Variants in CDC73 observed in about 807,000 individuals in gnomAD.
CDC73 encodes cell division cycle 73.
CDC73 carries 21 observed loss-of-function variants against 83.7 expected under a neutral mutation model. The observed-to-expected ratio is 0.25, with a 90% CI of 0.18 to 0.36. The LOEUF (loss-of-function observed/expected upper bound fraction) is 0.36. CDC73 is among the 10% of genes least tolerant of loss of function. The pLI is 1.00. For missense variants in CDC73, 342 were observed against 653.3 expected, an observed-to-expected ratio of 0.52 and a Z score of 5.19; for synonymous variants, 224 against 212.9, an observed-to-expected ratio of 1.05 and a Z score of -0.45.
chr1:193,193,780 A>AGTGTGT (rs71111459), intron 10 of CDC73, among the ~76,000 whole-genome samples: 2,372 of 135,868 alleles, frequency 0.017, 56 homozygotes, highest in African/African-American at 0.052. Flanking sequence ...TCTTACTTGT[A>AGTGTGT]GTGTGTGTGT....
intron 10 of CDC73, among the ~76,000 whole-genome samples, chr1:193,161,517 G>T (rs1676307956): frequency 7.2e-6 from 1 of 139,106 alleles, no homozygotes; most frequent in African/African-American, 2.7e-5. Context: ...TCAAATTAGA[G>T]TTTTATTTTG....
At chr1:193,148,450 T>C (rs548499251) in intron 8 of CDC73, among the ~76,000 whole-genome samples, 27 of 152,220 alleles carry the variant, frequency 1.8e-4, no homozygotes, top group African/African-American at 6.3e-4. Flanking sequence ...GAAGTGCCAC[T>C]TAAGACCCTC....
At chr1:193,196,603 T>G (rs1034016463) in intron 10 of CDC73, among the ~76,000 whole-genome samples, 2 of 152,196 alleles carry the variant, frequency 1.3e-5, no homozygotes, top group East Asian at 1.9e-4. Flanking sequence ...GTCTTTCCAT[T>G]TGTTTGTGTC....
chr1:193,191,978 A>G (rs1676926837), intron 10 of CDC73, among the ~76,000 whole-genome samples: 1 of 152,314 alleles, frequency 6.6e-6, no homozygotes, highest in Admixed American at 6.5e-5. Context: ...AAAATTATTA[A>G]CACTATTAAT....
Position 193,162,309 on chromosome 1 carries a change from ATT to A in CDC73, c.972+9866_972+9867del, listed in dbSNP as rs557495133. 5.2e-3 allele frequency among the ~76,000 whole-genome samples: 631 copies of A among 122,458 alleles called. 45 individuals are homozygous for A. Among genetic ancestry groups the A allele is most frequent in the African/African-American group, 0.023 (602 of 26,720 alleles). The allele number at this position is 122,458 out of a possible 152,430, so 80.3% of individuals were successfully genotyped here. A position where few individuals can be genotyped will look rare whatever the true frequency, so the allele number is the denominator to read the frequency against. On this transcript the variant is annotated intron_variant, in intron 10 of 16. Coordinates refer to ENST00000367435, the MANE Select transcript of CDC73 (RefSeq NM_024529.5). ...ATATGATATATTATATATACTATATATTATATATCATATATACTATATACTAT... is the reference window on the plus strand; with the variant it reads ...ATATGATATATTATATATACTATATAATATATCATATATACTATATACTAT...
At chr1:193,243,671 A>T (rs1314124121) in intron 15 of CDC73, among the ~76,000 whole-genome samples, 2 of 152,062 alleles carry the variant, frequency 1.3e-5, no homozygotes, top group East Asian at 1.9e-4. Context: ...TGAGTTTTAA[A>T]TTTTTTTTAA....
Position 193,147,899 on chromosome 1 carries a change from A to T in CDC73, c.762A>T (p.Gln254His). 6.2e-7 allele frequency: 1 copy of T among 1,613,066 alleles called. No homozygotes were observed. Among genetic ancestry groups the T allele is most frequent in the South Asian group, 1.1e-5 (1 of 91,026 alleles). The change falls in exon 8 of 17, where the codon CAA (glutamine) becomes CAT (histidine). Residue 254 changes from glutamine (Q) to histidine (H), a missense_variant. Gln to His is a conservative substitution (Grantham distance 24). Transcript: ENST00000367435. ...CCAAGAACATTTTTGCAATTCTTCA[A>T]TCTGTAAAAGCCAGAGAAGAAGGGC... ...NFSKNIFAIL[Q>H]SVKAREEGRA...
At chr1:193,166,522 G>T (rs1676437042) in intron 10 of CDC73, among the ~76,000 whole-genome samples, 1 of 152,110 alleles carries the variant, frequency 6.6e-6, no homozygotes, top group African/African-American at 2.4e-5. Context: ...TTAAGTTGGG[G>T]ATTGACAAAC....
chr1:193,223,533 G>A (rs1256352842), intron 13 of CDC73, among the ~76,000 whole-genome samples: 1 of 152,070 alleles, frequency 6.6e-6, no homozygotes, highest in Non-Finnish European at 1.5e-5. Context: ...GTTAGGGTTG[G>A]GGTTGTTGGG....
chr1:193,165,053 G>C (rs1440053987), intron 10 of CDC73, among the ~76,000 whole-genome samples: 1 of 152,154 alleles, frequency 6.6e-6, no homozygotes, highest in Non-Finnish European at 1.5e-5. Flanking sequence ...CTGGGTTTTG[G>C]AAATCTTTCT....
chr1:193,188,521 A>C (rs1676859964), intron 10 of CDC73, among the ~76,000 whole-genome samples: 1 of 152,056 alleles, frequency 6.6e-6, no homozygotes. Context: ...TTATATTTTC[A>C]CTTTTTCAAC....
At chr1:193,236,495 T>A in intron 15 of CDC73, 139 bp downstream of exon 15, 2 of 669,892 alleles carry the variant, frequency 3.0e-6, no homozygotes, top group Non-Finnish European at 5.4e-6. Flanking sequence ...TGTTTAAGCA[T>A]CTGTGACATA....
Position 193,125,865 on chromosome 1 carries a change from G to A in CDC73, c.237+648G>A, listed in dbSNP as rs1675561872. ...GAAAGGTTTGTATGAGTGTCTCCAG[G>A]AGAGTCAAAATTAGGTGACTGTGTG... On this transcript the variant is annotated intron_variant, in intron 2 of 16. Transcript: ENST00000367435. Among the ~76,000 whole-genome samples, 6 of 152,214 alleles carry A rather than the reference G, an allele frequency of 3.9e-5. No individual in the cohort carries two copies. In the South Asian group the frequency reaches 1.0e-3, roughly 26 times the overall value.
intron 10 of CDC73, chr1:193,181,734 G>A (rs998841468): frequency 1.7e-6 from 1 of 594,882 alleles, no homozygotes; most frequent in Non-Finnish European, 2.9e-6. Context: ...GGGACTTTGG[G>A]TACTAATATG....
At chr1:193,179,225 T>G (rs1676666183) in intron 10 of CDC73, 1 of 152,212 alleles carries the variant, frequency 6.6e-6, no homozygotes, top group South Asian at 2.1e-4. Context: ...GTTTGCAAAC[T>G]TGGCACTCCA....
At chr1:193,221,339 T>G (rs146756564) in intron 13 of CDC73, among the ~76,000 whole-genome samples, 2 of 152,310 alleles carry the variant, frequency 1.3e-5, no homozygotes, top group African/African-American at 4.8e-5. Context: ...CGCCTGGGAC[T>G]CGATTTTAGT....
intron 10 of CDC73, among the ~76,000 whole-genome samples, chr1:193,189,045 C>T (rs1253449140): frequency 1.3e-5 from 2 of 151,778 alleles, no homozygotes; most frequent in African/African-American, 4.8e-5. Context: ...CCTCTGCTTC[C>T]CAGGTTCAAG....
Position 193,216,783 on chromosome 1 carries a change from C to T in CDC73, c.1154+4306C>T, listed in dbSNP as rs142396288. Reference sequence around the variant, plus strand: ...GGCTTTATCCCTGGGATGCAGGGTTCGTTCAACAAATGCAAATCAGTAAAC... The same window carrying T: ...GGCTTTATCCCTGGGATGCAGGGTTTGTTCAACAAATGCAAATCAGTAAAC... On this transcript the variant is annotated intron_variant, in intron 13 of 16. Transcript: ENST00000367435. Among the ~76,000 whole-genome samples the T allele has an allele frequency of 9.6e-3, 1,465 of 152,248 alleles. 16 individuals carry two copies. The highest frequency in any genetic ancestry group is 0.034 in the South Asian group (165 of 4,826).
chr1:193,230,381 A>G (rs1677640283), intron 13 of CDC73, among the ~76,000 whole-genome samples: 1 of 151,220 alleles, frequency 6.6e-6, no homozygotes, highest in South Asian at 2.1e-4. Flanking sequence ...CCCTGACCTC[A>G]AATGATCCAC....
Sources: allele counts gnomAD v4.1 joint callset (sites outside exome capture counted in the v4.1 genomes callset), GRCh38; gene constraint gnomAD v4.1.1; transcripts MANE v1.5; gene names NCBI Gene and HGNC (gene_info 2026-07-23, HGNC 2026-07-21).